Variants in ERC2 observed in about 807,000 individuals in gnomAD.
ERC2 encodes ERC protein 2.
Under a neutral mutation model 114.8 loss-of-function variants are expected in ERC2, and 42 were observed. That is an observed-to-expected ratio of 0.37 (90% CI 0.29 to 0.47). The LOEUF (loss-of-function observed/expected upper bound fraction) is 0.47, where lower values mean the gene tolerates loss of function less well. ERC2 is among the 20% of genes least tolerant of loss of function. ERC2 has a pLI of 0.99. For missense variants in ERC2, 939 were observed against 1,150.7 expected (o/e 0.82, Z 2.66); for synonymous variants, 454 against 425.5 (o/e 1.07, Z -0.82).
chr3:55,967,670 T>C (rs1362540997), intron 12 of ERC2, among the ~76,000 whole-genome samples: 1 of 152,160 alleles, frequency 6.6e-6, no homozygotes, highest in Non-Finnish European at 1.5e-5. Flanking sequence ...TCCCCCAAAG[T>C]TCATGAGTAG....
intron 6 of ERC2, among the ~76,000 whole-genome samples, chr3:56,089,509 ATAT>A (rs1200510916): frequency 2.0e-5 from 3 of 152,196 alleles, no homozygotes; most frequent in Non-Finnish European, 4.4e-5. Flanking sequence ...TATATCTAAA[ATAT>A]TATTACTCAA....
intron 17 of ERC2, among the ~76,000 whole-genome samples, chr3:55,568,390 T>C (rs776801176): frequency 4.4e-4 from 67 of 152,268 alleles, no homozygotes; most frequent in Admixed American, 1.3e-3. Flanking sequence ...CATCTCAAAA[T>C]TAATATGTCC....
intron 6 of ERC2, 109 bp from the exon 7 acceptor site, chr3:56,081,093 C>T: frequency 8.7e-7 from 1 of 1,147,260 alleles, no homozygotes. Context: ...CTGAGCAAGG[C>T]ACAATGGAAC....
chr3:56,383,277 C>A (rs951928709), intron 2 of ERC2, among the ~76,000 whole-genome samples: 1 of 152,112 alleles, frequency 6.6e-6, no homozygotes, highest in Non-Finnish European at 1.5e-5. Flanking sequence ...TCAAAAAACC[C>A]CCCACTGGAA....
At chr3:56,365,827 G>A (rs1043821826) in intron 2 of ERC2, among the ~76,000 whole-genome samples, 4 of 152,268 alleles carry the variant, frequency 2.6e-5, no homozygotes, top group South Asian at 2.1e-4. Flanking sequence ...TTCATTATCC[G>A]CCCCTTGACA....
intron 2 of ERC2, among the ~76,000 whole-genome samples, chr3:56,414,739 G>A (rs200103955): frequency 1.9e-4 from 27 of 145,630 alleles, no homozygotes; most frequent in Middle Eastern, 3.5e-3. Flanking sequence ...AAAAAAAAAA[G>A]AAAAGAAAAG....
chr3:56,217,507 G>A (rs532634464), intron 3 of ERC2, among the ~76,000 whole-genome samples: 6 of 152,164 alleles, frequency 3.9e-5, no homozygotes, highest in Admixed American at 3.9e-4. Context: ...ACAAATGGAA[G>A]AATATTCCAT....
intron 17 of ERC2, among the ~76,000 whole-genome samples, chr3:55,660,756 G>T (rs1454093275): frequency 6.6e-6 from 1 of 152,174 alleles, no homozygotes; most frequent in Non-Finnish European, 1.5e-5. Flanking sequence ...ACAGACATGG[G>T]TTTGAGTCCC....
intron 14 of ERC2, among the ~76,000 whole-genome samples, chr3:55,761,200 GC>G (rs991701153): frequency 1.3e-5 from 2 of 152,136 alleles, no homozygotes; most frequent in Non-Finnish European, 2.9e-5. Context: ...TACTACTGGA[GC>G]TCAGGTCCCA....
chr3:56,338,390 A>C (rs1336118747), intron 2 of ERC2, among the ~76,000 whole-genome samples: 2 of 152,214 alleles, frequency 1.3e-5, no homozygotes, highest in African/African-American at 4.8e-5. Flanking sequence ...ACTGTGGTCT[A>C]TGCAGTTAGC....
Position 56,094,183 on chromosome 3 carries a change from G to A in ERC2, c.1474-13199C>T, listed in dbSNP as rs144444042. 6.1e-3 allele frequency among the ~76,000 whole-genome samples: 928 copies of A among 152,288 alleles called. 4 individuals are homozygous for A. Among genetic ancestry groups the A allele is most frequent in the Non-Finnish European group, 0.01 (685 of 68,034 alleles). ...CTTTAAGCCATCAAATTTGTAAGGT[G>A]TGGCATGGGTAAGAAAGGTTTGAGT... On this transcript the variant is annotated intron_variant, in intron 6 of 17. Coordinates refer to ENST00000288221, the MANE Select transcript of ERC2 (RefSeq NM_015576.3).
chr3:56,177,099 AAAAT>A (rs1239944879), intron 3 of ERC2, among the ~76,000 whole-genome samples: 1 of 152,230 alleles, frequency 6.6e-6, no homozygotes, highest in Non-Finnish European at 1.5e-5. Context: ...ATATGAAATA[AAAAT>A]AAACTTCTAT....
intron 14 of ERC2, among the ~76,000 whole-genome samples, chr3:55,830,506 T>C (rs2060522029): frequency 6.6e-6 from 1 of 152,206 alleles, no homozygotes; most frequent in African/African-American, 2.4e-5. Flanking sequence ...TCAATGTACA[T>C]ATATAATACA....
intron 17 of ERC2, among the ~76,000 whole-genome samples, chr3:55,532,438 C>T (rs940026880): frequency 2.0e-5 from 3 of 152,156 alleles, no homozygotes; most frequent in Non-Finnish European, 4.4e-5. Context: ...TTCATCCCTG[C>T]CCTCAAACAA....
intron 14 of ERC2, among the ~76,000 whole-genome samples, chr3:55,754,397 G>A (rs1464817601): frequency 1.3e-5 from 2 of 151,360 alleles, no homozygotes; most frequent in African/African-American, 4.8e-5. Context: ...GTGTAACTAA[G>A]ACATTTCTAC....
chr3:56,256,947 G>A (rs1478751837), intron 3 of ERC2, among the ~76,000 whole-genome samples: 1 of 152,114 alleles, frequency 6.6e-6, no homozygotes, highest in African/African-American at 2.4e-5. Context: ...CCCAGTCTCA[G>A]GCATCTCTTT....
intron 3 of ERC2, among the ~76,000 whole-genome samples, chr3:56,174,683 A>G (rs1269366585): frequency 6.6e-6 from 1 of 152,228 alleles, no homozygotes; most frequent in East Asian, 1.9e-4. Flanking sequence ...GTCACTTCAA[A>G]AAGATAGGAC....
intron 6 of ERC2, among the ~76,000 whole-genome samples, chr3:56,083,305 C>A (rs2077336125): frequency 1.3e-5 from 2 of 152,150 alleles, no homozygotes; most frequent in African/African-American, 4.8e-5. Context: ...GGATTTATGG[C>A]ATGACTGTGT....
In ERC2 at chr3:55,601,853, C is replaced by A. The variant is rs112526382; in HGVS notation, c.*39+81941G>T. 4.2e-3 allele frequency among the ~76,000 whole-genome samples: 641 copies of A among 152,250 alleles called. 7 individuals carry two copies. Among genetic ancestry groups the A allele is most frequent in the African/African-American group, 0.014 (593 of 41,554 alleles). The stretch of plus-strand genomic sequence containing the variant: ...CTCAAACAACAAACAAACAAATATT[C>A]GGGCCTCTGGAAAAGTCCATCGGAC... On this transcript the variant is annotated intron_variant, in intron 17 of 17. Coordinates refer to ENST00000288221, the MANE Select transcript of ERC2 (RefSeq NM_015576.3).
Sources: allele counts gnomAD v4.1 joint callset (sites outside exome capture counted in the v4.1 genomes callset), GRCh38; gene constraint gnomAD v4.1.1; transcripts MANE v1.5; gene names NCBI Gene and HGNC (gene_info 2026-07-23, HGNC 2026-07-21).